Variants in FGF14 observed in about 807,000 individuals in gnomAD.
FGF14 encodes the protein fibroblast growth factor homologous factor 4.
FGF14 carries 5 observed loss-of-function variants against 25.5 expected under a neutral mutation model. That is an observed-to-expected ratio of 0.20 (90% CI 0.10 to 0.41). The LOEUF is 0.41. FGF14 is among the 10% of genes least tolerant of loss of function. The pLI, the probability that FGF14 is intolerant of heterozygous loss-of-function variation, is 1.00. For synonymous variants in FGF14, 138 were observed against 118.3 expected, an observed-to-expected ratio of 1.17 and a Z score of -1.08; for missense variants, 222 against 320.1, an observed-to-expected ratio of 0.69 and a Z score of 2.34.
intron 3 of FGF14, among the ~76,000 whole-genome samples, chr13:101,766,279 G>T (rs984557962): frequency 2.9e-4 from 44 of 152,112 alleles, no homozygotes; most frequent in African/African-American, 8.7e-4. Flanking sequence ...TGATGTCCAT[G>T]GAGGCAGAAG....
chr13:102,082,953 G>A (rs987579175), intron 1 of FGF14, among the ~76,000 whole-genome samples: 3 of 151,700 alleles, frequency 2.0e-5, no homozygotes, highest in Admixed American at 6.6e-5. Context: ...GTGAGACTCC[G>A]TCTCAAAAAA....
chr13:102,283,728 G>T (rs117087583), intron 1 of FGF14, among the ~76,000 whole-genome samples: 38 of 151,962 alleles, frequency 2.5e-4, no homozygotes, highest in African/African-American at 9.2e-4. Flanking sequence ...TTTCTCTAAC[G>T]GTGTGTATAC....
chr13:101,840,699 G>T (rs913679205), intron 3 of FGF14, among the ~76,000 whole-genome samples: 2 of 151,966 alleles, frequency 1.3e-5, no homozygotes, highest in Admixed American at 1.3e-4. Flanking sequence ...CAACCAAATT[G>T]TTGCAACACA....
At position 102,279,990 on chromosome 13, in the gene FGF14, T is replaced by TAA. The variant is rs533653859; in HGVS notation, c.208+121479_208+121480dup. Reference sequence around the variant, plus strand: ...AGACATGCTGCCCAGAGACCAGGCCTAAAGTTATATTCTGTGTATGATTTA... The same window carrying TAA: ...AGACATGCTGCCCAGAGACCAGGCCTAAAAAGTTATATTCTGTGTATGATTTA... On this transcript the variant is annotated intron_variant, in intron 1 of 4. Coordinates refer to the FGF14 transcript ENST00000376131. Among the ~76,000 whole-genome samples the TAA allele has an allele frequency of 7.9e-5, 12 of 152,334 alleles. No homozygotes were observed. The South Asian group carries it at 2.3e-3, about 29-fold the overall frequency.
chr13:102,205,957 G>A (rs1317607015), intron 1 of FGF14, among the ~76,000 whole-genome samples: 1 of 114,548 alleles, frequency 8.7e-6, no homozygotes, highest in African/African-American at 3.2e-5. Context: ...GCTTCCACGA[G>A]AAGGTAGCTC....
intron 3 of FGF14, among the ~76,000 whole-genome samples, chr13:101,785,726 GT>G (rs1196218894): frequency 6.6e-6 from 1 of 152,042 alleles, no homozygotes; most frequent in East Asian, 1.9e-4. Flanking sequence ...TGTTCAGAGG[GT>G]TTTTTTCCTC....
At chr13:102,389,910 T>C (rs1393053078) in intron 1 of FGF14, among the ~76,000 whole-genome samples, 1 of 152,154 alleles carries the variant, frequency 6.6e-6, no homozygotes, top group Non-Finnish European at 1.5e-5. Flanking sequence ...GCCAGCATCA[T>C]GTAACTGCAG....
chr13:102,352,767 G>C (rs1045817516), intron 1 of FGF14, among the ~76,000 whole-genome samples: 2 of 148,272 alleles, frequency 1.3e-5, no homozygotes, highest in African/African-American at 2.5e-5. Context: ...AGCCGAGATC[G>C]CGCCACTGCA....
intron 1 of FGF14, among the ~76,000 whole-genome samples, chr13:102,297,735 AC>A (rs1187858094): frequency 5.4e-5 from 8 of 147,478 alleles, no homozygotes; most frequent in Non-Finnish European, 9.0e-5. Context: ...AAAAAAAAAA[AC>A]AATCAAAAAA....
intron 3 of FGF14, among the ~76,000 whole-genome samples, chr13:101,863,990 T>C (rs1040809998): frequency 1.3e-5 from 2 of 152,116 alleles, no homozygotes; most frequent in Non-Finnish European, 2.9e-5. Context: ...TAGAAGAGGC[T>C]CATTTGAAAA....
In FGF14 at chr13:101,711,490, AC is replaced by A. The variant is rs1175112602; in HGVS notation, c.*11340del. On this transcript the variant is annotated 3_prime_UTR_variant, in exon 5 of 5. Transcript: ENST00000376143. ...TCGCTCAATATGCCTGTGCAGTCAG[AC>A]CTGCAGGAAGAAACAGCTCATTTTT... 6.6e-6 allele frequency: 1 copy of A among 152,254 alleles called. No homozygotes were observed. Among genetic ancestry groups the A allele is most frequent in the Non-Finnish European group, 1.5e-5 (1 of 68,050 alleles). 9.4% of individuals were successfully genotyped at this position (152,254 alleles called of 1,614,324 possible). A position where few individuals can be genotyped will look rare whatever the true frequency, so the allele number is the denominator to read the frequency against.
At chr13:102,129,157 G>A (rs2046077350) in intron 1 of FGF14, among the ~76,000 whole-genome samples, 1 of 152,096 alleles carries the variant, frequency 6.6e-6, no homozygotes. Context: ...GGCTGAGGCA[G>A]GAGAATCACT....
intron 1 of FGF14, among the ~76,000 whole-genome samples, chr13:102,155,740 A>G (rs562544494): frequency 4.3e-4 from 65 of 152,256 alleles, no homozygotes; most frequent in African/African-American, 1.3e-3. Flanking sequence ...TTTTTAAAAG[A>G]TCAACAAAAT....
chr13:102,161,764 T>G (rs1194705480), intron 1 of FGF14, among the ~76,000 whole-genome samples: 2 of 150,546 alleles, frequency 1.3e-5, no homozygotes, highest in African/African-American at 4.9e-5. Context: ...AAGACTAAGC[T>G]CTATGTGGGC....
chr13:101,956,767 C>T (rs199724013), intron 1 of FGF14, among the ~76,000 whole-genome samples: 1 of 63,706 alleles, frequency 1.6e-5, no homozygotes, highest in Admixed American at 1.8e-4. Context: ...ATTCACTTTA[C>T]CAAAAAAAAA....
At chr13:102,139,462 A>T (rs1466116630) in intron 1 of FGF14, among the ~76,000 whole-genome samples, 1 of 152,198 alleles carries the variant, frequency 6.6e-6, no homozygotes, top group Non-Finnish European at 1.5e-5. Context: ...TAGTATAATG[A>T]TTAATGATAA....
intron 1 of FGF14, among the ~76,000 whole-genome samples, chr13:101,975,679 C>T (rs1037027745): frequency 6.6e-5 from 10 of 152,280 alleles, no homozygotes; most frequent in East Asian, 3.9e-4. Flanking sequence ...CTTGCAAAGT[C>T]GTTCCCGCTG....
At chr13:101,920,723 G>C (rs973579597), upstream of FGF14, among the ~76,000 whole-genome samples, 4 of 152,004 alleles carry the variant, frequency 2.6e-5, no homozygotes, top group Admixed American at 2.0e-4. Context: ...TAGATAATTC[G>C]AAACATAAGA....
chr13:101,785,736 T>C (rs1256793282), intron 3 of FGF14, among the ~76,000 whole-genome samples: 4 of 152,188 alleles, frequency 2.6e-5, no homozygotes, highest in African/African-American at 9.7e-5. Context: ...GTTTTTTTCC[T>C]CCTTTCATAA....
Sources: gnomAD v4.1 joint callset for allele counts (sites outside exome capture counted in the v4.1 genomes callset) on GRCh38, gnomAD v4.1.1 for gene constraint, MANE v1.5 for transcripts, NCBI Gene and HGNC (gene_info 2026-07-23, HGNC 2026-07-21) for gene names.